Variants in ACVR2A observed in about 807,000 individuals in gnomAD.
The protein encoded by ACVR2A is activin receptor type-2A.
A neutral mutation model predicts 61.4 loss-of-function variants in ACVR2A; 7 were observed. That is an observed-to-expected ratio of 0.11 (90% CI 0.06 to 0.21). The LOEUF (loss-of-function observed/expected upper bound fraction) is 0.21, where lower values mean the gene tolerates loss of function less well. Ranked by LOEUF, ACVR2A falls within the 10% of genes least tolerant of loss-of-function variation. The pLI is 1.00. For synonymous variants in ACVR2A, 193 were observed against 208.3 expected, an observed-to-expected ratio of 0.93 and a Z score of 0.63; for missense variants, 322 against 621.7, an observed-to-expected ratio of 0.52 and a Z score of 5.13.
chr2:147,909,759 A>G (rs1198667165), intron 4 of ACVR2A, among the ~76,000 whole-genome samples: 1 of 152,080 alleles, frequency 6.6e-6, no homozygotes, highest in Non-Finnish European at 1.5e-5. Context: ...CTCCTCAGAC[A>G]TCCGAGTAGC....
intron 1 of ACVR2A, among the ~76,000 whole-genome samples, chr2:147,846,943 A>G (rs549069548): frequency 4.6e-5 from 7 of 152,238 alleles, no homozygotes; most frequent in African/African-American, 1.7e-4. Flanking sequence ...TAATTGATGA[A>G]GGAGGTTATT....
chr2:147,849,785 A>G lies in ACVR2A; in HGVS notation c.55+4578A>G, dbSNP rs550237236. Among the ~76,000 whole-genome samples, 58 of 152,304 alleles carry G rather than the reference A, an allele frequency of 3.8e-4. No homozygotes were observed. In the South Asian group the frequency reaches 0.012, roughly 30 times the overall value. On this transcript the variant is annotated intron_variant, in intron 1 of 10. Coordinates refer to ENST00000241416, the MANE Select transcript of ACVR2A (RefSeq NM_001616.5). Reference sequence around the variant, plus strand: ...CAGTGTCTTTGTAACACACCTCTCCATACCCTTCTCTCTGATACTGACATT... The same window carrying G: ...CAGTGTCTTTGTAACACACCTCTCCGTACCCTTCTCTCTGATACTGACATT...
intron 1 of ACVR2A, among the ~76,000 whole-genome samples, chr2:147,852,885 G>A (rs1685482437): frequency 6.6e-6 from 1 of 152,068 alleles, no homozygotes; most frequent in Admixed American, 6.5e-5. Flanking sequence ...CTAAATCTGA[G>A]GAAGAGATTT....
At chr2:147,870,174 T>C (rs946879588) in intron 1 of ACVR2A, among the ~76,000 whole-genome samples, 1 of 152,044 alleles carries the variant, frequency 6.6e-6, no homozygotes, top group African/African-American at 2.4e-5. Flanking sequence ...AATAAAAAAA[T>C]TAGTAGAGTG....
intron 1 of ACVR2A, among the ~76,000 whole-genome samples, chr2:147,857,740 A>G (rs115937189): frequency 2.1e-3 from 324 of 152,204 alleles, no homozygotes; most frequent in African/African-American, 7.3e-3. Flanking sequence ...TTTCTATTTT[A>G]TAGTACCTAC....
intron 1 of ACVR2A, among the ~76,000 whole-genome samples, chr2:147,859,879 A>C (rs1685683247): frequency 6.6e-6 from 1 of 151,986 alleles, no homozygotes. Context: ...GCTCACCAGA[A>C]GCTCACCTTA....
chr2:147,915,211 T>G lies in ACVR2A; in HGVS notation c.549T>G (p.Pro183=). ...VPTQDPGPPP[P]SPLLGLKPLQ... is the part of the protein sequence containing the mutation. ...TGTAGGACCCAGGACCACCCCCACCTTCTCCATTACTAGGTTTGAAACCAC... is the reference window on the plus strand; with the variant it reads ...TGTAGGACCCAGGACCACCCCCACCGTCTCCATTACTAGGTTTGAAACCAC... The change falls in exon 5 of 11, where the codon CCT becomes CCG. Residue 183 remains proline (P), a synonymous_variant. Coordinates refer to ENST00000241416, the MANE Select transcript of ACVR2A (RefSeq NM_001616.5). 6.2e-7 allele frequency: 1 copy of G among 1,612,132 alleles called. No individual in the cohort carries two copies. Among genetic ancestry groups the G allele is most frequent in the Non-Finnish European group, 8.5e-7 (1 of 1,178,550 alleles).
rs542974849 is a variant in ACVR2A at position 147,857,548 on chromosome 2, A to C, written c.55+12341A>C. On this transcript the variant is annotated intron_variant, in intron 1 of 10. Transcript: ENST00000241416. ...GGTTTTCTTTAAAAAAAAAAAAAAA[A>C]AAACAAAAAAACCCCTAACACTTGC... is the stretch of plus-strand genomic sequence containing the variant. Among the ~76,000 whole-genome samples, 251 of 151,754 alleles carry C rather than the reference A, an allele frequency of 1.7e-3. 1 individual carries two copies. Among genetic ancestry groups the C allele is most frequent in the African/African-American group, 5.3e-3 (220 of 41,454 alleles).
rs1237939594 is a variant in ACVR2A, at chr2:147,928,848, C to CAATT, written c.*1578_*1581dup. ...TTTTCTGAATTTCCAGATTACCAATCAATTAATCAACAAATAGCCAGTATT... is the reference window on the plus strand; with the variant it reads ...TTTTCTGAATTTCCAGATTACCAATCAATTAATTAATCAACAAATAGCCAGTATT... On this transcript the variant is annotated 3_prime_UTR_variant, in exon 11 of 11. Transcript: ENST00000241416. 6.6e-5 allele frequency: 10 copies of CAATT among 152,330 alleles called. No homozygotes were observed. Among genetic ancestry groups the CAATT allele is most frequent in the African/African-American group, 2.2e-4 (9 of 41,384 alleles). The allele number at this position is 152,330 out of a possible 1,614,324, so 9.4% of individuals were successfully genotyped here. A position where few individuals can be genotyped will look rare whatever the true frequency, so the allele number is the denominator to read the frequency against.
At chr2:147,893,075 CTT>C (rs763314631) in intron 1 of ACVR2A, among the ~76,000 whole-genome samples, 5 of 152,292 alleles carry the variant, frequency 3.3e-5, no homozygotes, top group Non-Finnish European at 5.9e-5. Context: ...TAATCACCTC[CTT>C]TTCCCTCACT....
intron 4 of ACVR2A, among the ~76,000 whole-genome samples, chr2:147,908,637 G>T (rs1421593104): frequency 6.6e-6 from 1 of 152,026 alleles, no homozygotes; most frequent in Non-Finnish European, 1.5e-5. Context: ...TTTCTATTCT[G>T]CTTGGCAGGA....
At chr2:147,915,110 A>G (rs1687218785) in intron 4 of ACVR2A, 81 bp from the exon 5 acceptor site, 7 of 1,351,308 alleles carry the variant, frequency 5.2e-6, no homozygotes, top group Non-Finnish European at 3.1e-6. Context: ...ACTTTTCAGT[A>G]TACTCACTTT....
chr2:147,864,773 A>G (rs1558962619), intron 1 of ACVR2A, among the ~76,000 whole-genome samples: 1 of 152,214 alleles, frequency 6.6e-6, no homozygotes, highest in African/African-American at 2.4e-5. Flanking sequence ...TAATTAAACA[A>G]TAATCCACTT....
At chr2:147,926,826 C>G (rs190118936) in intron 10 of ACVR2A, among the ~76,000 whole-genome samples, 23 of 151,524 alleles carry the variant, frequency 1.5e-4, no homozygotes, top group Non-Finnish European at 2.9e-4. Flanking sequence ...TTGAAATGAC[C>G]TGGGTTATGA....
intron 4 of ACVR2A, among the ~76,000 whole-genome samples, chr2:147,914,553 A>G (rs1427695088): frequency 6.6e-6 from 1 of 151,958 alleles, no homozygotes; most frequent in Non-Finnish European, 1.5e-5. Context: ...CAGAACACAA[A>G]TGATTTTTTA....
chr2:147,929,330 G>A lies in ACVR2A; in HGVS notation c.*2056G>A, dbSNP rs1274864392. On this transcript the variant is annotated 3_prime_UTR_variant, in exon 11 of 11. Transcript: ENST00000241416. ...CATACAAGAAAATCATTAATTTCCTGAAGATGAATTTCTACCTGTTGTGAA... is the reference window on the plus strand; with the variant it reads ...CATACAAGAAAATCATTAATTTCCTAAAGATGAATTTCTACCTGTTGTGAA... 6.6e-6 allele frequency: 1 copy of A among 151,936 alleles called. No homozygotes were observed. The highest frequency in any genetic ancestry group is 1.5e-5 in the Non-Finnish European group (1 of 67,966). The allele number at this position is 151,936 out of a possible 1,614,324, so 9.4% of individuals were successfully genotyped here.
chr2:147,849,292 A>G (rs1685392139), intron 1 of ACVR2A, among the ~76,000 whole-genome samples: 1 of 152,176 alleles, frequency 6.6e-6, no homozygotes, highest in Admixed American at 6.5e-5. Flanking sequence ...ATTTTTACTG[A>G]CATCATTGGG....
intron 4 of ACVR2A, among the ~76,000 whole-genome samples, chr2:147,910,677 C>T (rs1259925444): frequency 6.6e-6 from 1 of 152,048 alleles, no homozygotes; most frequent in African/African-American, 2.4e-5. Flanking sequence ...CACTGGTGAT[C>T]ATATTTCTTT....
intron 1 of ACVR2A, among the ~76,000 whole-genome samples, chr2:147,891,087 C>T (rs1433101629): frequency 6.6e-6 from 1 of 152,132 alleles, no homozygotes; most frequent in East Asian, 1.9e-4. Context: ...GACACTAATG[C>T]TGCTCCCCTT....
Sources: gnomAD v4.1 joint callset for allele counts (sites outside exome capture counted in the v4.1 genomes callset) on GRCh38, gnomAD v4.1.1 for gene constraint, MANE v1.5 for transcripts, NCBI Gene and HGNC (gene_info 2026-07-23, HGNC 2026-07-21) for gene names.